SPOCK3: variants seen among roughly 807,000 people sequenced by gnomAD.
SPOCK3 encodes the protein SPARC (osteonectin), cwcv and kazal like domains proteoglycan 3.
Under a neutral mutation model 56.6 loss-of-function variants are expected in SPOCK3, and 30 were observed. The observed-to-expected ratio is 0.53, with a 90% CI of 0.40 to 0.72. The LOEUF is 0.72. SPOCK3 is among the 30% of genes least tolerant of loss of function. SPOCK3 has a pLI of 0.00. For missense variants in SPOCK3, 527 were observed against 530.0 expected (o/e 0.99, Z 0.06); for synonymous variants, 196 against 183.3 (o/e 1.07, Z -0.56).
chr4:166,986,660 G>A (rs1747207921), intron 4 of SPOCK3, among the ~76,000 whole-genome samples: 2 of 151,918 alleles, frequency 1.3e-5, no homozygotes, highest in Admixed American at 6.6e-5. Context: ...GGGAAAACTA[G>A]GGCAGCAATA....
chr4:167,213,455 T>C (rs1735071849), intron 2 of SPOCK3, among the ~76,000 whole-genome samples: 1 of 152,186 alleles, frequency 6.6e-6, no homozygotes, highest in Non-Finnish European at 1.5e-5. Flanking sequence ...GGTTATGTGA[T>C]ATTATAAAAT....
chr4:167,117,882 A>G (rs977054546), intron 2 of SPOCK3, among the ~76,000 whole-genome samples: 2 of 152,192 alleles, frequency 1.3e-5, no homozygotes. Context: ...AAGACCCAAC[A>G]GACTGTGCCA....
chr4:166,989,108 C>T (rs1279721303), intron 4 of SPOCK3, among the ~76,000 whole-genome samples: 1 of 151,978 alleles, frequency 6.6e-6, no homozygotes, highest in East Asian at 1.9e-4. Context: ...GATGTATTAG[C>T]TGTTTATATT....
At chr4:166,862,373 T>C (rs906444124) in intron 6 of SPOCK3, among the ~76,000 whole-genome samples, 6 of 151,904 alleles carry the variant, frequency 3.9e-5, no homozygotes, top group Admixed American at 1.3e-4. Context: ...ATGTAGCAAA[T>C]TGAATAAAAA....
intron 6 of SPOCK3, among the ~76,000 whole-genome samples, chr4:166,828,959 C>T (rs1234891190): frequency 2.0e-5 from 3 of 151,870 alleles, no homozygotes; most frequent in South Asian, 4.1e-4. Flanking sequence ...TCTACTGTTT[C>T]CCTATTAAAA....
At chr4:166,780,884 C>T (rs947601319) in intron 7 of SPOCK3, among the ~76,000 whole-genome samples, 8 of 151,980 alleles carry the variant, frequency 5.3e-5, no homozygotes, top group African/African-American at 9.7e-5. Context: ...GGCTCAGTTG[C>T]AAAGGAAAAA....
chr4:166,920,787 TA>T (rs1400712615), intron 4 of SPOCK3, among the ~76,000 whole-genome samples: 1 of 152,184 alleles, frequency 6.6e-6, no homozygotes, highest in Non-Finnish European at 1.5e-5. Flanking sequence ...TATATATATA[TA>T]AATGTCTTGA....
At chr4:167,234,803 T>C (rs1375803274), upstream of SPOCK3, 1 of 153,324 alleles carries the variant, frequency 6.5e-6, no homozygotes, top group Non-Finnish European at 1.5e-5. Context: ...TTGTAACCTC[T>C]CCCCTCCAGA....
At chr4:167,044,545 T>A (rs1425589479) in intron 3 of SPOCK3, among the ~76,000 whole-genome samples, 1 of 152,082 alleles carries the variant, frequency 6.6e-6, no homozygotes, top group Non-Finnish European at 1.5e-5. Context: ...ATGTATGCAT[T>A]CAATGGTATA....
intron 3 of SPOCK3, among the ~76,000 whole-genome samples, chr4:167,028,977 T>C (rs1399835748): frequency 6.6e-6 from 1 of 152,000 alleles, no homozygotes; most frequent in Non-Finnish European, 1.5e-5. Flanking sequence ...GTTTGTTATA[T>C]AGGTAAACGA....
At chr4:167,211,039 A>G (rs1030712883) in intron 2 of SPOCK3, among the ~76,000 whole-genome samples, 2 of 152,212 alleles carry the variant, frequency 1.3e-5, no homozygotes, top group Non-Finnish European at 2.9e-5. Context: ...ATTGATAATG[A>G]CAGAAAAAAT....
chr4:166,762,739 C>T (rs1279179737), intron 7 of SPOCK3, among the ~76,000 whole-genome samples: 2 of 151,868 alleles, frequency 1.3e-5, no homozygotes, highest in Non-Finnish European at 2.9e-5. Context: ...ATGAAACATA[C>T]AATAAATGAA....
At chr4:167,145,788 C>G (rs552965973) in intron 2 of SPOCK3, among the ~76,000 whole-genome samples, 3 of 152,144 alleles carry the variant, frequency 2.0e-5, no homozygotes, top group African/African-American at 7.2e-5. Context: ...CCAGGCATGC[C>G]TTACAAGAGC....
intron 4 of SPOCK3, among the ~76,000 whole-genome samples, chr4:166,926,893 G>A (rs930420857): frequency 3.9e-5 from 6 of 152,034 alleles, no homozygotes; most frequent in Non-Finnish European, 8.8e-5. Flanking sequence ...TGTCTCTCTC[G>A]CGTTTCAACA....
At chr4:166,994,169 C>T (rs1748108813) in intron 4 of SPOCK3, among the ~76,000 whole-genome samples, 1 of 152,106 alleles carries the variant, frequency 6.6e-6, no homozygotes, top group African/African-American at 2.4e-5. Context: ...AACCAACACC[C>T]ATGATCATAA....
At chr4:166,811,056 ATTTT>A (rs1460982354) in intron 6 of SPOCK3, among the ~76,000 whole-genome samples, 1 of 151,832 alleles carries the variant, frequency 6.6e-6, no homozygotes, top group Non-Finnish European at 1.5e-5. Flanking sequence ...ATTTTATTAT[ATTTT>A]TGTTTCTAAT....
chr4:166,956,305 A>G (rs1743466694), intron 4 of SPOCK3, among the ~76,000 whole-genome samples: 1 of 152,176 alleles, frequency 6.6e-6, no homozygotes, highest in Admixed American at 6.6e-5. Context: ...AGTAAGAGAT[A>G]AACAACAATA....
intron 6 of SPOCK3, among the ~76,000 whole-genome samples, chr4:166,843,622 C>A (rs1198907760): frequency 1.3e-5 from 2 of 152,144 alleles, no homozygotes; most frequent in African/African-American, 4.8e-5. Flanking sequence ...CTGAGACTCC[C>A]ACACGACCCT....
intron 4 of SPOCK3, among the ~76,000 whole-genome samples, chr4:166,961,753 A>G (rs1744173071): frequency 6.6e-6 from 1 of 152,200 alleles, no homozygotes; most frequent in Non-Finnish European, 1.5e-5. Flanking sequence ...CAAACAAAAA[A>G]GTCAAAAACG....
Sources: allele counts gnomAD v4.1 joint callset (sites outside exome capture counted in the v4.1 genomes callset), GRCh38; gene constraint gnomAD v4.1.1; transcripts MANE v1.5; gene names NCBI Gene and HGNC (gene_info 2026-07-23, HGNC 2026-07-21).